Variants in MARCHF11 observed in about 807,000 individuals in gnomAD.
MARCHF11 encodes E3 ubiquitin-protein ligase MARCHF11.
MARCHF11 carries 29 observed loss-of-function variants against 37.3 expected under a neutral mutation model. The observed-to-expected ratio is 0.78, with a 90% CI of 0.58 to 1.06. The LOEUF is 1.06. Among genes scored for constraint, MARCHF11 ranks in the 50% least tolerant of loss-of-function variants. The pLI is 0.00. For missense variants in MARCHF11, 482 were observed against 533.4 expected, an observed-to-expected ratio of 0.90 and a Z score of 0.95; for synonymous variants, 233 against 228.0, an observed-to-expected ratio of 1.02 and a Z score of -0.20.
At chr5:16,139,658 TAG>T (rs1434607962) in intron 2 of MARCHF11, among the ~76,000 whole-genome samples, 4 of 152,116 alleles carry the variant, frequency 2.6e-5, no homozygotes, top group Non-Finnish European at 5.9e-5. Flanking sequence ...TTTAAAACTG[TAG>T]AGAGTATAAT....
At chr5:16,114,717 T>C (rs1442056916) in intron 2 of MARCHF11, among the ~76,000 whole-genome samples, 3 of 151,988 alleles carry the variant, frequency 2.0e-5, no homozygotes, top group Non-Finnish European at 4.4e-5. Flanking sequence ...CTCGAACGCC[T>C]GAGCTCAAAC....
At chr5:16,101,396 C>G (rs550382282) in intron 2 of MARCHF11, among the ~76,000 whole-genome samples, 1 of 152,280 alleles carries the variant, frequency 6.6e-6, no homozygotes, top group Admixed American at 6.5e-5. Context: ...TGCATTTTAG[C>G]TTTTCAGTTT....
intron 2 of MARCHF11, among the ~76,000 whole-genome samples, chr5:16,135,067 T>A (rs1428040401): frequency 6.6e-6 from 1 of 151,018 alleles, no homozygotes; most frequent in Non-Finnish European, 1.5e-5. Context: ...AACTTAGAGG[T>A]CAGTTCCTGG....
At chr5:16,155,025 G>A (rs1737946148) in intron 2 of MARCHF11, among the ~76,000 whole-genome samples, 1 of 151,608 alleles carries the variant, frequency 6.6e-6, no homozygotes, top group Non-Finnish European at 1.5e-5. Context: ...GTGTCTGTAG[G>A]GTTTGACACA....
intron 2 of MARCHF11, among the ~76,000 whole-genome samples, chr5:16,108,222 A>T (rs1198008595): frequency 6.6e-6 from 1 of 152,084 alleles, no homozygotes; most frequent in Non-Finnish European, 1.5e-5. Context: ...GCTGGGGCCC[A>T]AAGTGCCCAC....
chr5:16,174,094 G>A (rs1025754668), intron 2 of MARCHF11, among the ~76,000 whole-genome samples: 7 of 152,146 alleles, frequency 4.6e-5, no homozygotes, highest in African/African-American at 1.7e-4. Context: ...AAAAAATACT[G>A]AAGCCATTCA....
intron 2 of MARCHF11, among the ~76,000 whole-genome samples, chr5:16,117,031 C>T (rs915943485): frequency 6.6e-6 from 1 of 152,156 alleles, no homozygotes; most frequent in African/African-American, 2.4e-5. Context: ...AGAGCTATTA[C>T]TTAAGTGACA....
At chr5:16,085,011 T>TGC (rs201791148) in intron 3 of MARCHF11, among the ~76,000 whole-genome samples, 1 of 149,090 alleles carries the variant, frequency 6.7e-6, no homozygotes, top group Non-Finnish European at 1.5e-5. Context: ...TGTGTGTGTG[T>TGC]GCGCCTATAT....
chr5:16,173,176 C>A (rs1450318093), intron 2 of MARCHF11, among the ~76,000 whole-genome samples: 1 of 152,190 alleles, frequency 6.6e-6, no homozygotes, highest in Non-Finnish European at 1.5e-5. Flanking sequence ...GCAAGGCAGG[C>A]CTTCGGTGCT....
intron 2 of MARCHF11, among the ~76,000 whole-genome samples, chr5:16,157,436 C>T (rs1454707397): frequency 6.6e-6 from 1 of 151,870 alleles, no homozygotes; most frequent in Non-Finnish European, 1.5e-5. Context: ...TACTTTATGT[C>T]AAAATATAAT....
At chr5:16,135,043 C>T (rs1425791703) in intron 2 of MARCHF11, among the ~76,000 whole-genome samples, 5 of 151,748 alleles carry the variant, frequency 3.3e-5, no homozygotes, top group African/African-American at 1.2e-4. Flanking sequence ...AACACGCACA[C>T]ATAGTTTTGA....
chr5:16,068,668 T>C (rs1017537722), intron 3 of MARCHF11, among the ~76,000 whole-genome samples: 12 of 152,224 alleles, frequency 7.9e-5, no homozygotes, highest in Non-Finnish European at 1.3e-4. Flanking sequence ...TCATCTCCAC[T>C]ATCCACTCCA....
At chr5:16,145,558 A>G (rs766394139) in intron 2 of MARCHF11, among the ~76,000 whole-genome samples, 6 of 152,172 alleles carry the variant, frequency 3.9e-5, no homozygotes, top group African/African-American at 7.2e-5. Context: ...TAGCAATCCA[A>G]GCAGACTAAT....
intron 3 of MARCHF11, among the ~76,000 whole-genome samples, chr5:16,081,308 T>A (rs561910653): frequency 6.6e-6 from 1 of 152,352 alleles, no homozygotes; most frequent in East Asian, 1.9e-4. Flanking sequence ...TCTTTCAAGC[T>A]GTGCTAACCT....
At chr5:16,089,491 T>G (rs1314528686) in intron 3 of MARCHF11, among the ~76,000 whole-genome samples, 1 of 152,158 alleles carries the variant, frequency 6.6e-6, no homozygotes, top group African/African-American at 2.4e-5. Context: ...CTCTTCAGTT[T>G]ATATATTATT....
chr5:16,092,023 CAGA>C (rs1363947822), intron 2 of MARCHF11, among the ~76,000 whole-genome samples: 1 of 152,160 alleles, frequency 6.6e-6, no homozygotes, highest in Non-Finnish European at 1.5e-5. Context: ...TATGGCTTCT[CAGA>C]AGAATTCTTA....
intron 3 of MARCHF11, among the ~76,000 whole-genome samples, chr5:16,071,238 A>G (rs774999867): frequency 6.6e-6 from 1 of 152,216 alleles, no homozygotes; most frequent in Non-Finnish European, 1.5e-5. Context: ...TATAAAACGT[A>G]AATACTGAAT....
chr5:16,158,373 G>T lies in MARCHF11; in HGVS notation c.693+19353C>A, dbSNP rs548087282. ...ACAGCCAAATATAGAATCAACCTGTGTTCATCAACAGATGAATGAATAAAG... is the reference window on the plus strand; with the variant it reads ...ACAGCCAAATATAGAATCAACCTGTTTTCATCAACAGATGAATGAATAAAG... On this transcript the variant is annotated intron_variant, in intron 2 of 3. Transcript: ENST00000332432. Among the ~76,000 whole-genome samples, 4 of 152,034 alleles carry T rather than the reference G, an allele frequency of 2.6e-5. No individual in the cohort carries two copies. In the East Asian group the frequency reaches 7.8e-4, roughly 30 times the overall value.
intron 2 of MARCHF11, among the ~76,000 whole-genome samples, chr5:16,134,019 T>C (rs777167442): frequency 2.6e-5 from 4 of 152,102 alleles, no homozygotes; most frequent in East Asian, 1.9e-4. Flanking sequence ...AAATGACTCA[T>C]AAACATCATA....
Sources: gnomAD v4.1 joint callset for allele counts (sites outside exome capture counted in the v4.1 genomes callset) on GRCh38, gnomAD v4.1.1 for gene constraint, MANE v1.5 for transcripts, NCBI Gene and HGNC (gene_info 2026-07-23, HGNC 2026-07-21) for gene names.